Variants in RBM17 observed in about 807,000 individuals in gnomAD.
RBM17 encodes splicing factor 45.
RBM17 carries 7 observed loss-of-function variants against 53.2 expected under a neutral mutation model. The observed-to-expected ratio is 0.13, with a 90% CI of 0.07 to 0.25. The LOEUF (loss-of-function observed/expected upper bound fraction) is 0.25, where lower values mean the gene tolerates loss of function less well. RBM17 is among the 10% of genes least tolerant of loss of function. The pLI is 1.00. For missense variants in RBM17, 257 were observed against 496.7 expected, an observed-to-expected ratio of 0.52 and a Z score of 4.59; for synonymous variants, 167 against 178.1, an observed-to-expected ratio of 0.94 and a Z score of 0.50.
At chr10:6,093,816 A>T (rs1439933567) in intron 1 of RBM17, among the ~76,000 whole-genome samples, 3 of 152,326 alleles carry the variant, frequency 2.0e-5, no homozygotes, top group Non-Finnish European at 4.4e-5. Context: ...GATGCGACCC[A>T]TGTCTAAACA....
Position 6,112,904 on chromosome 10 carries a change from G to C in RBM17, c.856+543G>C, listed in dbSNP as rs78884395. On this transcript the variant is annotated intron_variant, in intron 8 of 11. Transcript: ENST00000379888. The surrounding 1 kb of genome is among the most constrained non-coding windows in gnomAD (Gnocchi z 4.4). ...TATTTTCATTTAATTTTTACAGTCTGTTCTGTGTTGAGGGAATTCAGGAAA... is the reference window on the plus strand; with the variant it reads ...TATTTTCATTTAATTTTTACAGTCTCTTCTGTGTTGAGGGAATTCAGGAAA... The C allele has an allele frequency of 8.7e-4, 154 of 177,752 alleles. No individual in the cohort carries two copies. Among genetic ancestry groups the C allele is most frequent in the Middle Eastern group, 2.8e-3 (1 of 360 alleles). The allele number at this position is 177,752 out of a possible 1,614,324, so 11.0% of individuals were successfully genotyped here. A position where few individuals can be genotyped will look rare whatever the true frequency, so the allele number is the denominator to read the frequency against.
chr10:6,108,714 C>T lies in RBM17; in HGVS notation c.534C>T (p.Pro178=), dbSNP rs12264240. The T allele has an allele frequency of 2.5e-6, 4 of 1,612,500 alleles. No individual in the cohort carries two copies. Among genetic ancestry groups the T allele is most frequent in the East Asian group, 2.2e-5 (1 of 44,864 alleles). Residue 178 remains proline (P), a synonymous_variant, in exon 6 of 12, where the codon CCC becomes CCT. Coordinates refer to ENST00000379888, the MANE Select transcript of RBM17 (RefSeq NM_032905.5). The part of the protein sequence containing the change: ...RSMGGAAIAP[P]TSLVEKDKEL... ...TGGGCGGAGCTGCCATTGCCCCACC[C>T]ACTTCTCTGGTAGAGAAAGACAAAG... is the stretch of plus-strand genomic sequence containing the variant.
At chr10:6,105,126 T>C in intron 4 of RBM17, 29 bp downstream of exon 4, 1 of 1,602,970 alleles carries the variant, frequency 6.2e-7, no homozygotes, top group Non-Finnish European at 8.5e-7. Context: ...TTGGGGATAT[T>C]TTACAGTTGA....
intron 7 of RBM17, among the ~76,000 whole-genome samples, chr10:6,111,835 CT>C (rs1840843062): frequency 6.6e-6 from 1 of 152,144 alleles, no homozygotes; most frequent in Admixed American, 6.5e-5. Flanking sequence ...TTGTACGAAA[CT>C]TCATACTTAC....
chr10:6,101,458 A>G, intron 3 of RBM17, 71 bp downstream of exon 3: 1 of 842,022 alleles, frequency 1.2e-6, no homozygotes, highest in South Asian at 2.0e-5. Flanking sequence ...CATATGAGTT[A>G]CTCTTAACAG....
At chr10:6,102,622 A>C (rs1358721814) in intron 3 of RBM17, among the ~76,000 whole-genome samples, 1 of 152,140 alleles carries the variant, frequency 6.6e-6, no homozygotes, top group African/African-American at 2.4e-5. Flanking sequence ...TAGTACCTAT[A>C]ATATTAGTCT....
At chr10:6,098,551 C>A in intron 2 of RBM17, among the ~76,000 whole-genome samples, 3 of 126,226 alleles carry the variant, frequency 2.4e-5, no homozygotes, top group Admixed American at 8.5e-5. Context: ...TTCCGTAATA[C>A]ACAGGTTTTT....
At chr10:6,114,470 C>T in intron 10 of RBM17, 3 of 294,012 alleles carry the variant, frequency 1.0e-5, no homozygotes, top group South Asian at 9.9e-5. Context: ...TATTTAGTGC[C>T]TCTCACATGC....
At chr10:6,101,821 A>C (rs767978120) in intron 3 of RBM17, among the ~76,000 whole-genome samples, 2 of 152,172 alleles carry the variant, frequency 1.3e-5, no homozygotes, top group East Asian at 3.9e-4. Flanking sequence ...TTAATGCTGG[A>C]TATATGGGTT....
chr10:6,097,259 TG>T, intron 2 of RBM17, 71 bp downstream of exon 2: 3 of 1,503,922 alleles, frequency 2.0e-6, no homozygotes, highest in Non-Finnish European at 2.7e-6. Flanking sequence ...ACAAGGAATT[TG>T]GTTTCAGCTT....
In RBM17 at chr10:6,113,496, G is replaced by A. The variant is rs779201477; in HGVS notation, c.857-12G>A. 6.3e-7 allele frequency: 1 copy of A among 1,594,904 alleles called. No individual in the cohort carries two copies. The highest frequency in any genetic ancestry group is 8.6e-7 in the Non-Finnish European group (1 of 1,162,608). On this transcript the variant is annotated splice_polypyrimidine_tract_variant and intron_variant, in intron 8 of 11. Coordinates refer to ENST00000379888, the MANE Select transcript of RBM17 (RefSeq NM_032905.5). ...AGTTCTGTAACACATCTAATGGTAT[G>A]TTTTGATACAGATGCATCCAAGAAG...
In RBM17 at chr10:6,115,730, A is replaced by G; in HGVS notation, c.*174A>G. 1 of 454,550 alleles carries G rather than the reference A, an allele frequency of 2.2e-6. No individual in the cohort carries two copies. The highest frequency in any genetic ancestry group is 3.9e-6 in the Non-Finnish European group (1 of 258,044). The allele number at this position is 454,550 out of a possible 1,614,324, so 28.2% of individuals were successfully genotyped here. ...TTATTTTGTGGTTTTTTAATATAGTATAAAAATCCTTTTAAAAAAACAACA... is the reference window on the plus strand; with the variant it reads ...TTATTTTGTGGTTTTTTAATATAGTGTAAAAATCCTTTTAAAAAAACAACA... On this transcript the variant is annotated 3_prime_UTR_variant, in exon 12 of 12. Coordinates refer to ENST00000379888, the MANE Select transcript of RBM17 (RefSeq NM_032905.5).
chr10:6,105,207 A>G, intron 4 of RBM17, 110 bp downstream of exon 4: 2 of 952,794 alleles, frequency 2.1e-6, no homozygotes, highest in South Asian at 3.3e-5. Flanking sequence ...GTCATGGGTG[A>G]TCTGAGCAGT....
intron 6 of RBM17, among the ~76,000 whole-genome samples, chr10:6,109,573 G>A (rs1338113103): frequency 6.6e-6 from 1 of 152,152 alleles, no homozygotes; most frequent in East Asian, 1.9e-4. Context: ...CACCTTTGTG[G>A]GCCATGAGCT....
chr10:6,098,556 GTTTTTTGTTT>G (rs750615940), intron 2 of RBM17, among the ~76,000 whole-genome samples: 20,447 of 86,364 alleles, frequency 0.24, 4,011 homozygotes, highest in Non-Finnish European at 0.32. Flanking sequence ...TAATACACAG[GTTTTTTGTTT>G]TTTTTTTTTT....
chr10:6,109,061 GTTT>G (rs1840798756), intron 6 of RBM17, among the ~76,000 whole-genome samples: 2 of 152,210 alleles, frequency 1.3e-5, no homozygotes, highest in South Asian at 2.1e-4. Context: ...GATCGTTACA[GTTT>G]TTTAACTCAG....
At position 6,115,501 on chromosome 10, in the gene RBM17, C is replaced by G; in HGVS notation, c.1151C>G (p.Ala384Gly). The change falls in exon 12 of 12, where the codon GCA (alanine) becomes GGA (glycine). Residue 384 changes from alanine to glycine, a missense_variant. Around this residue, in one of 6 missense-constraint regions of RBM17, gnomAD observed 8 missense variants for 19.2 expected, o/e 0.42. Coordinates refer to ENST00000379888, the MANE Select transcript of RBM17 (RefSeq NM_032905.5). ...TATTTTGGTGGACGGGTGGTAAAAGCATGTTTCTACAATTTGGACAAATTC... is the reference window on the plus strand; with the variant it reads ...TATTTTGGTGGACGGGTGGTAAAAGGATGTTTCTACAATTTGGACAAATTC... Reference protein sequence around the residue: ...GRYFGGRVVKACFYNLDKFRV... With the variant: ...GRYFGGRVVKGCFYNLDKFRV... The G allele has an allele frequency of 1.2e-6, 2 of 1,613,982 alleles. No individual in the cohort carries two copies. Among genetic ancestry groups the G allele is most frequent in the Non-Finnish European group, 1.7e-6 (2 of 1,179,908 alleles).
At position 6,112,466 on chromosome 10, in the gene RBM17, G is replaced by A. The variant is rs760776216; in HGVS notation, c.856+105G>A. The A allele has an allele frequency of 1.3e-5, 18 of 1,389,334 alleles. No individual in the cohort carries two copies. The highest frequency in any genetic ancestry group is 4.9e-5 in the East Asian group (2 of 41,124). The allele number at this position is 1,389,334 out of a possible 1,614,324, so 86.1% of individuals were successfully genotyped here. A position where few individuals can be genotyped will look rare whatever the true frequency, so the allele number is the denominator to read the frequency against. ...TGTGTCAGCAGGGGGACAATGAGGCGTGTGGCCAGAGGGAGAGGGCTGGCC... is the reference window on the plus strand; with the variant it reads ...TGTGTCAGCAGGGGGACAATGAGGCATGTGGCCAGAGGGAGAGGGCTGGCC... On this transcript the variant is annotated intron_variant, in intron 8 of 11. Coordinates refer to ENST00000379888, the MANE Select transcript of RBM17 (RefSeq NM_032905.5). This position sits in a 1 kb window ranked among gnomAD's most constrained non-coding sequence, Gnocchi z 4.4.
At chr10:6,113,907 T>C (rs2274357) in intron 9 of RBM17, 142 bp from the exon 10 acceptor site, 216,888 of 621,740 alleles carry the variant, frequency 0.35, 40,936 homozygotes, top group Non-Finnish European at 0.41. Flanking sequence ...ATACTAACTT[T>C]TGGGTACTTT....
Sources: gnomAD v4.1 joint callset for allele counts (sites outside exome capture counted in the v4.1 genomes callset) on GRCh38, gnomAD v4.1.1 for gene constraint, gnomAD v4.1.1 regional missense constraint, Gnocchi (gnomAD v3.1) non-coding constraint, MANE v1.5 for transcripts, NCBI Gene and HGNC (gene_info 2026-07-23, HGNC 2026-07-21) for gene names.